Variants in S100Z observed in about 807,000 individuals in gnomAD.
S100Z encodes protein S100-Z.
S100Z carries 11 observed loss-of-function variants against 8.5 expected under a neutral mutation model. That is an observed-to-expected ratio of 1.30 (90% CI 0.82 to 2.15). S100Z has a LOEUF of 2.15. Among genes scored for constraint, S100Z ranks in the 30% most tolerant of loss-of-function variants. The pLI, the probability that S100Z is intolerant of heterozygous loss-of-function variation, is 0.00. For missense variants in S100Z, 126 were observed against 117.9 expected (o/e 1.07, Z -0.32); for synonymous variants, 34 against 43.8 (o/e 0.78, Z 0.89).
intron 1 of S100Z, among the ~76,000 whole-genome samples, chr5:76,867,317 G>C (rs1256579194): frequency 6.6e-6 from 1 of 152,112 alleles, no homozygotes; most frequent in Non-Finnish European, 1.5e-5. Context: ...TACATAAAAA[G>C]ACAAAAACTG....
At chr5:76,941,399 C>T in the S100Z span, among the ~76,000 whole-genome samples, 9 of 152,062 alleles carry the variant, frequency 5.9e-5, no homozygotes, top group South Asian at 8.3e-4. Context: ...CTCATGAGAC[C>T]TGATGGTTTT....
rs1235748706 is a variant in S100Z at position 76,888,365 on chromosome 5, G to GTTTT, written c.*2+10532_*2+10533insTTTT. Among the ~76,000 whole-genome samples, 121 of 83,978 alleles carry GTTTT rather than the reference G, an allele frequency of 1.4e-3. 1 individual carries two copies. Among genetic ancestry groups the GTTTT allele is most frequent in the Non-Finnish European group, 2.3e-3 (92 of 40,092 alleles). 55.1% of individuals were successfully genotyped at this position (83,978 alleles called of 152,430 possible). ...TTTTTTTTTTCCTGGGAAAGTGCTG[G>GTTTT]TATTTTTTTTTTTTTTTTTTTTTTT... On this transcript the variant is annotated intron_variant, in intron 4 of 4. Coordinates refer to ENST00000317593, the MANE Select transcript of S100Z (RefSeq NM_130772.4).
intron 4 of S100Z, among the ~76,000 whole-genome samples, chr5:76,908,899 G>A (rs565195592): frequency 3.3e-5 from 5 of 152,084 alleles, no homozygotes; most frequent in Non-Finnish European, 5.9e-5. Context: ...CACTAAATCC[G>A]ATTTTTCTCA....
chr5:76,952,112 T>C, the S100Z span, among the ~76,000 whole-genome samples: 1 of 152,188 alleles, frequency 6.6e-6, no homozygotes, highest in African/African-American at 2.4e-5. Context: ...TTCTCTTCTC[T>C]CCTGATAAGC....
chr5:76,909,120 C>T (rs1055776230), intron 4 of S100Z, among the ~76,000 whole-genome samples: 5 of 152,098 alleles, frequency 3.3e-5, no homozygotes, highest in Non-Finnish European at 7.4e-5. Flanking sequence ...TCGGCTACTG[C>T]ATCGGTGAGC....
At chr5:76,946,019 T>C in the S100Z span, among the ~76,000 whole-genome samples, 2 of 152,324 alleles carry the variant, frequency 1.3e-5, no homozygotes, top group South Asian at 4.1e-4. Flanking sequence ...CAGTTATCCA[T>C]CTGCAGGCAT....
At chr5:76,947,126 T>G in the S100Z span, among the ~76,000 whole-genome samples, 5 of 152,214 alleles carry the variant, frequency 3.3e-5, no homozygotes, top group Non-Finnish European at 7.3e-5. Context: ...ACTGCAGATG[T>G]CAGTAAAGTC....
At chr5:76,914,389 C>CACTCTGTAAAAACGGACCAATCAAT (rs1378293631) in intron 4 of S100Z, among the ~76,000 whole-genome samples, 1 of 147,000 alleles carries the variant, frequency 6.8e-6, no homozygotes, top group East Asian at 2.0e-4. Flanking sequence ...CACCAATCAG[C>CACTCTGTAAAAACGGACCAATCAAT]ACTCTGTAAA....
the S100Z span, among the ~76,000 whole-genome samples, chr5:76,936,616 T>TACACACACACAC: frequency 7.8e-3 from 1,051 of 134,112 alleles, 8 homozygotes; most frequent in Non-Finnish European, 0.011. Context: ...TTAAAGTTCC[T>TACACACACACAC]ACACACACAC....
At chr5:76,941,700 C>T in the S100Z span, among the ~76,000 whole-genome samples, 2 of 146,792 alleles carry the variant, frequency 1.4e-5, no homozygotes, top group South Asian at 4.3e-4. Context: ...GAGTTACTCC[C>T]CACCCACTCC....
intron 4 of S100Z, among the ~76,000 whole-genome samples, chr5:76,906,998 A>G (rs1318887173): frequency 2.0e-3 from 33 of 16,248 alleles, no homozygotes; most frequent in South Asian, 8.3e-3. Flanking sequence ...ATATATATAT[A>G]TATATATATA....
At chr5:76,863,045 A>G (rs938587989) in intron 1 of S100Z, among the ~76,000 whole-genome samples, 3 of 152,162 alleles carry the variant, frequency 2.0e-5, no homozygotes, top group Admixed American at 6.5e-5. Flanking sequence ...AAGACCTTCT[A>G]TCTGGTAACA....
At chr5:76,863,741 T>G (rs983109928) in intron 1 of S100Z, among the ~76,000 whole-genome samples, 3 of 151,976 alleles carry the variant, frequency 2.0e-5, no homozygotes, top group Non-Finnish European at 4.4e-5. Flanking sequence ...GGTTTCACCG[T>G]GTTAGCCAGG....
intron 1 of S100Z, among the ~76,000 whole-genome samples, chr5:76,868,317 A>C (rs1323547147): frequency 6.6e-6 from 1 of 151,010 alleles, no homozygotes; most frequent in Non-Finnish European, 1.5e-5. Flanking sequence ...GGATATATTT[A>C]GCTCTGCCAA....
intron 1 of S100Z, among the ~76,000 whole-genome samples, chr5:76,863,634 G>A (rs1346378162): frequency 1.1e-4 from 17 of 152,066 alleles, no homozygotes; most frequent in Non-Finnish European, 2.2e-4. Context: ...CGCCTCCCGG[G>A]TTCACGCCAT....
intron 4 of S100Z, among the ~76,000 whole-genome samples, chr5:76,912,073 A>T (rs1445613767): frequency 1.7e-5 from 2 of 116,398 alleles, no homozygotes; most frequent in African/African-American, 7.8e-5. Flanking sequence ...TCACTGTTTA[A>T]GGGTAGTTGC....
At chr5:76,862,124 A>AGTGTGT (rs374825870) in intron 1 of S100Z, among the ~76,000 whole-genome samples, 5,466 of 138,436 alleles carry the variant, frequency 0.039, 137 homozygotes, top group South Asian at 0.1. Context: ...AGGGATAAGG[A>AGTGTGT]GTGTGCGTGT....
intron 2 of S100Z, among the ~76,000 whole-genome samples, chr5:76,873,238 A>G (rs1047786296): frequency 6.6e-6 from 1 of 152,026 alleles, no homozygotes; most frequent in African/African-American, 2.4e-5. Context: ...GTGAGAGAGA[A>G]TTTTACTATT....
chr5:76,876,967 A>G (rs1743213206), intron 3 of S100Z, among the ~76,000 whole-genome samples: 1 of 152,138 alleles, frequency 6.6e-6, no homozygotes, highest in African/African-American at 2.4e-5. Flanking sequence ...CTTTCCACCC[A>G]TAAAATGCAG....
Sources: gnomAD v4.1 joint callset for allele counts (sites outside exome capture counted in the v4.1 genomes callset) on GRCh38, gnomAD v4.1.1 for gene constraint, MANE v1.5 for transcripts, NCBI Gene and HGNC (gene_info 2026-07-23, HGNC 2026-07-21) for gene names.